The following KCNJ3 variants were observed in gnomAD, a reference collection of about 807,000 sequenced individuals.
KCNJ3 encodes the protein potassium inwardly rectifying channel subfamily J member 3.
Under a neutral mutation model 39.2 loss-of-function variants are expected in KCNJ3, and 4 were observed. That is an observed-to-expected ratio of 0.10 (90% CI 0.05 to 0.23). The LOEUF is 0.23. Among genes scored for constraint, KCNJ3 ranks in the 10% least tolerant of loss-of-function variants. KCNJ3 has a pLI of 1.00. For missense variants in KCNJ3, 276 were observed against 634.9 expected, an observed-to-expected ratio of 0.43 and a Z score of 6.08; for synonymous variants, 230 against 237.4, an observed-to-expected ratio of 0.97 and a Z score of 0.29.
At chr2:154,750,749 T>C (rs749704710) in intron 2 of KCNJ3, among the ~76,000 whole-genome samples, 1 of 152,022 alleles carries the variant, frequency 6.6e-6, no homozygotes, top group African/African-American at 2.4e-5. Context: ...TGCCATTTTG[T>C]TTTCATTGCA....
chr2:154,727,607 AAAAG>A (rs1219638374), intron 2 of KCNJ3, among the ~76,000 whole-genome samples: 1 of 151,218 alleles, frequency 6.6e-6, no homozygotes, highest in Non-Finnish European at 1.5e-5. Flanking sequence ...AAAAAAAAAA[AAAAG>A]AGAGAAAAAG....
intron 2 of KCNJ3, among the ~76,000 whole-genome samples, chr2:154,843,420 G>A (rs551825379): frequency 9.2e-5 from 14 of 152,224 alleles, no homozygotes; most frequent in African/African-American, 3.1e-4. Context: ...GTGTCTTGGG[G>A]TTGCTCTTCT....
chr2:154,796,011 C>A (rs1045720991), intron 2 of KCNJ3, among the ~76,000 whole-genome samples: 2 of 152,080 alleles, frequency 1.3e-5, no homozygotes, highest in Admixed American at 1.3e-4. Flanking sequence ...GTGTTCTTTT[C>A]TTTCCCCCTA....
chr2:154,748,216 AACTG>A (rs1382587929), intron 2 of KCNJ3, among the ~76,000 whole-genome samples: 3 of 152,004 alleles, frequency 2.0e-5, no homozygotes, highest in Non-Finnish European at 4.4e-5. Flanking sequence ...TACCTAAATA[AACTG>A]ACTAAATAAC....
chr2:154,783,278 T>C (rs369958061), intron 2 of KCNJ3, among the ~76,000 whole-genome samples: 1 of 152,216 alleles, frequency 6.6e-6, no homozygotes, highest in African/African-American at 2.4e-5. Context: ...ATCAAGGCTG[T>C]TAAAAAATTT....
At chr2:154,712,637 G>A (rs142690067) in intron 2 of KCNJ3, among the ~76,000 whole-genome samples, 184 of 152,260 alleles carry the variant, frequency 1.2e-3, no homozygotes, top group Admixed American at 0.011. Flanking sequence ...ATATTCTAAG[G>A]AGGTGGCAGA....
intron 2 of KCNJ3, among the ~76,000 whole-genome samples, chr2:154,714,346 C>T (rs1685148220): frequency 6.6e-6 from 1 of 152,130 alleles, no homozygotes; most frequent in Non-Finnish European, 1.5e-5. Context: ...CTTTCTCTCT[C>T]TCTTTTTTCT....
intron 2 of KCNJ3, among the ~76,000 whole-genome samples, chr2:154,770,862 A>G (rs1268085614): frequency 4.6e-5 from 7 of 151,260 alleles, no homozygotes; most frequent in Non-Finnish European, 1.0e-4. Flanking sequence ...ATAGACAGTA[A>G]GTCTCAAGAT....
At chr2:154,829,032 CT>C (rs1687317721) in intron 2 of KCNJ3, among the ~76,000 whole-genome samples, 1 of 152,152 alleles carries the variant, frequency 6.6e-6, no homozygotes, top group Non-Finnish European at 1.5e-5. Context: ...GATTGTGTGA[CT>C]TTCCTCTGTG....
intron 2 of KCNJ3, among the ~76,000 whole-genome samples, chr2:154,824,594 A>G (rs1314426374): frequency 6.6e-6 from 1 of 152,184 alleles, no homozygotes; most frequent in Admixed American, 6.5e-5. Flanking sequence ...AAAACTAGTG[A>G]GTAATCTATA....
chr2:154,752,258 C>A (rs981919592), intron 2 of KCNJ3, among the ~76,000 whole-genome samples: 7 of 150,922 alleles, frequency 4.6e-5, no homozygotes, highest in East Asian at 1.9e-4. Context: ...AGTAATACAA[C>A]AAAAAAAATA....
chr2:154,850,971 TG>T (rs1373265415), intron 2 of KCNJ3, among the ~76,000 whole-genome samples: 3 of 152,182 alleles, frequency 2.0e-5, no homozygotes, highest in African/African-American at 7.2e-5. Flanking sequence ...AATTACTGGC[TG>T]GGCATAATGA....
chr2:154,813,185 G>C (rs1687030617), intron 2 of KCNJ3, among the ~76,000 whole-genome samples: 1 of 151,936 alleles, frequency 6.6e-6, no homozygotes, highest in African/African-American at 2.4e-5. Flanking sequence ...TTTTTTTCTA[G>C]TCTACTTGCC....
rs112620950 is a variant in KCNJ3, at chr2:154,808,346, G to A, written c.920-46381G>A. Among the ~76,000 whole-genome samples the A allele has an allele frequency of 7.5e-3, 1,137 of 152,008 alleles. 19 individuals carry two copies. The highest frequency in any genetic ancestry group is 0.026 in the African/African-American group (1,078 of 41,470). On this transcript the variant is annotated intron_variant, in intron 2 of 2. Transcript: ENST00000295101. ...TCCACCTGCCTCAGCCTCTCAAAGTGCTGGGATTACAGGGGTGAGCCACCA... is the reference window on the plus strand; with the variant it reads ...TCCACCTGCCTCAGCCTCTCAAAGTACTGGGATTACAGGGGTGAGCCACCA...
intron 2 of KCNJ3, among the ~76,000 whole-genome samples, chr2:154,711,575 G>A (rs1279091396): frequency 1.3e-5 from 2 of 151,986 alleles, no homozygotes; most frequent in East Asian, 1.9e-4. Flanking sequence ...ATAAAATCAC[G>A]GTCTGAAGAT....
At chr2:154,843,033 C>T (rs1175213239) in intron 2 of KCNJ3, among the ~76,000 whole-genome samples, 9 of 152,134 alleles carry the variant, frequency 5.9e-5, no homozygotes, top group Middle Eastern at 3.2e-3. Flanking sequence ...TTCATAGCAT[C>T]GATAGTCTTT....
intron 2 of KCNJ3, among the ~76,000 whole-genome samples, chr2:154,850,020 T>TTG (rs1482550309): frequency 5.0e-4 from 59 of 117,714 alleles, no homozygotes; most frequent in Non-Finnish European, 8.3e-4. Context: ...TTTTTTTTTT[T>TTG]TTTTTTTTTT....
Position 154,699,357 on chromosome 2 carries a change from C to T in KCNJ3, c.582C>T (p.Leu194=), listed in dbSNP as rs1280191376. 1.5e-5 allele frequency: 24 copies of T among 1,612,858 alleles called. No individual in the cohort carries two copies. Among genetic ancestry groups the T allele is most frequent in the African/African-American group, 2.7e-5 (2 of 74,934 alleles). Residue 194 remains leucine (L), a synonymous_variant, in exon 1 of 3, where the codon CTC becomes CTT. Coordinates refer to ENST00000295101, the MANE Select transcript of KCNJ3 (RefSeq NM_002239.4). This position sits in a 1 kb window ranked among gnomAD's most constrained non-coding sequence, Gnocchi z 6.4. The stretch of plus-strand genomic sequence containing the variant: ...AGCCCAAGAAGCGCGCCGAGACCCT[C>T]ATGTTCAGCGAGCACGCGGTGATCT... ...MSQPKKRAET[L]MFSEHAVISM... is the part of the protein sequence containing the mutation.
chr2:154,853,806 A>T (rs1223978187), intron 2 of KCNJ3, among the ~76,000 whole-genome samples: 1 of 152,176 alleles, frequency 6.6e-6, no homozygotes, highest in Non-Finnish European at 1.5e-5. Context: ...AAATTGAGTA[A>T]ATTAGAATAC....
Sources: allele counts gnomAD v4.1 joint callset (sites outside exome capture counted in the v4.1 genomes callset), GRCh38; gene constraint gnomAD v4.1.1; non-coding constraint Gnocchi (gnomAD v3.1); transcripts MANE v1.5; gene names NCBI Gene and HGNC (gene_info 2026-07-23, HGNC 2026-07-21).